The following GALK2 variants were observed in gnomAD, a reference collection of about 807,000 sequenced individuals.
GALK2 encodes the protein N-acetylgalactosamine kinase.
GALK2 carries 36 observed loss-of-function variants against 52.4 expected under a neutral mutation model. That is an observed-to-expected ratio of 0.69 (90% CI 0.53 to 0.91). GALK2 has a LOEUF of 0.91. Ranked by LOEUF, GALK2 falls within the 40% of genes least tolerant of loss-of-function variation. The pLI, the probability that GALK2 is intolerant of heterozygous loss-of-function variation, is 0.00. For synonymous variants in GALK2, 176 were observed against 199.1 expected, an observed-to-expected ratio of 0.88 and a Z score of 0.98; for missense variants, 579 against 559.1, an observed-to-expected ratio of 1.04 and a Z score of -0.36.
At chr15:49,352,374 G>A (rs368371943) in intron 3 of GALK2, among the ~76,000 whole-genome samples, 81 of 152,288 alleles carry the variant, frequency 5.3e-4, no homozygotes, top group African/African-American at 1.8e-3. Flanking sequence ...AGGAGCATGT[G>A]GGAAGGGCAA....
chr15:49,335,273 T>C (rs1224089479), downstream of GALK2: 3 of 586,336 alleles, frequency 5.1e-6, no homozygotes, highest in Non-Finnish European at 6.1e-6. Context: ...CCTTGACACT[T>C]ACCTGAAAAG....
At chr15:49,313,993 A>G (rs2036207058) in intron 8 of GALK2, among the ~76,000 whole-genome samples, 1 of 152,224 alleles carries the variant, frequency 6.6e-6, no homozygotes, top group South Asian at 2.1e-4. Flanking sequence ...CATGTCCTCT[A>G]TCTACTGTTG....
At chr15:49,215,437 C>T (rs2089293107) in intron 2 of GALK2, among the ~76,000 whole-genome samples, 1 of 152,168 alleles carries the variant, frequency 6.6e-6, no homozygotes, top group Non-Finnish European at 1.5e-5. Flanking sequence ...TCTCTTTTCT[C>T]TCCTCTGACT....
At chr15:49,299,796 G>T (rs1401961800) in intron 8 of GALK2, among the ~76,000 whole-genome samples, 1,447 of 73,956 alleles carry the variant, frequency 0.02, 46 homozygotes, top group Middle Eastern at 0.048. Context: ...TCTTTCTTTC[G>T]TGCTGTAGTC....
chr15:49,182,281 A>G (rs1304296890), intron 1 of GALK2, among the ~76,000 whole-genome samples: 5 of 152,248 alleles, frequency 3.3e-5, no homozygotes, highest in African/African-American at 9.6e-5. Context: ...TTCACTTAAC[A>G]TAATGTCCCC....
At chr15:49,216,955 AG>A (rs1250611528) in intron 2 of GALK2, among the ~76,000 whole-genome samples, 1 of 152,122 alleles carries the variant, frequency 6.6e-6, no homozygotes, top group Non-Finnish European at 1.5e-5. Context: ...TGTGATTTTC[AG>A]GTACTCACCT....
intron 5 of GALK2, among the ~76,000 whole-genome samples, 174 bp downstream of exon 5, chr15:49,239,541 C>A (rs181565072): frequency 1.3e-5 from 2 of 152,184 alleles, no homozygotes; most frequent in Non-Finnish European, 2.9e-5. Context: ...TAGCTTATAC[C>A]CTCCAAACAG....
At chr15:49,172,205 A>T (rs964610906) in intron 1 of GALK2, among the ~76,000 whole-genome samples, 4 of 152,210 alleles carry the variant, frequency 2.6e-5, no homozygotes, top group Non-Finnish European at 4.4e-5. Flanking sequence ...GGTGGTAACA[A>T]GTATAGGTAC....
chr15:49,201,499 T>TA (rs2087771885), intron 2 of GALK2, among the ~76,000 whole-genome samples: 1 of 152,152 alleles, frequency 6.6e-6, no homozygotes, highest in Admixed American at 6.5e-5. Flanking sequence ...ATTGTTTTCA[T>TA]AAAAAATGAA....
rs968918249 is a variant in GALK2 at position 49,254,621 on chromosome 15, A to G, written c.504+15254A>G. Among the ~76,000 whole-genome samples the G allele has an allele frequency of 2.1e-5, 3 of 144,296 alleles. 1 individual carries two copies. The highest frequency in any genetic ancestry group is 7.4e-5 in the African/African-American group (3 of 40,338). The allele number at this position is 144,296 out of a possible 152,430, so 94.7% of individuals were successfully genotyped here. A position where few individuals can be genotyped will look rare whatever the true frequency, so the allele number is the denominator to read the frequency against. ...GTCACTATGGTTTAAATTTGGTGATAAAGCAGAGAATTTGGATAAAAGAAA... is the reference window on the plus strand; with the variant it reads ...GTCACTATGGTTTAAATTTGGTGATGAAGCAGAGAATTTGGATAAAAGAAA... On this transcript the variant is annotated intron_variant, in intron 5 of 9. Coordinates refer to ENST00000560031, the MANE Select transcript of GALK2 (RefSeq NM_002044.4).
chr15:49,287,296 A>C (rs1366535373), intron 7 of GALK2, among the ~76,000 whole-genome samples: 1 of 152,202 alleles, frequency 6.6e-6, no homozygotes, highest in African/African-American at 2.4e-5. Flanking sequence ...AAATACTCTG[A>C]ATTTTTCTCT....
intron 1 of GALK2, among the ~76,000 whole-genome samples, chr15:49,193,235 C>T (rs1419005871): frequency 1.3e-5 from 2 of 151,958 alleles, no homozygotes; most frequent in African/African-American, 4.8e-5. Context: ...TGACCTCAGG[C>T]AGTCCACTCG....
chr15:49,199,827 G>A (rs1292783219), intron 1 of GALK2, among the ~76,000 whole-genome samples: 1 of 152,172 alleles, frequency 6.6e-6, no homozygotes, highest in Non-Finnish European at 1.5e-5. Flanking sequence ...TCAGCAGAGA[G>A]AAGTTTATAA....
At chr15:49,158,507 G>C (rs888365412) in intron 1 of GALK2, among the ~76,000 whole-genome samples, 1 of 152,120 alleles carries the variant, frequency 6.6e-6, no homozygotes, top group African/African-American at 2.4e-5. Flanking sequence ...ATGGTAACTA[G>C]TTGAGTCACT....
At chr15:49,175,431 C>T (rs1245466090) in intron 1 of GALK2, among the ~76,000 whole-genome samples, 1 of 152,142 alleles carries the variant, frequency 6.6e-6, no homozygotes, top group Non-Finnish European at 1.5e-5. Context: ...AGTTGTTACA[C>T]CTCGACCTGT....
chr15:49,343,938 A>G (rs1409951273), intron 3 of GALK2: 1 of 152,226 alleles, frequency 6.6e-6, no homozygotes, highest in Non-Finnish European at 1.5e-5. Context: ...TTTAAAAATA[A>G]AACATCCTTA....
chr15:49,215,944 A>C (rs1029533456), intron 2 of GALK2, among the ~76,000 whole-genome samples: 2 of 152,218 alleles, frequency 1.3e-5, no homozygotes, highest in Non-Finnish European at 2.9e-5. Context: ...CCGTATGGGC[A>C]TATCGGCACA....
chr15:49,259,896 C>T (rs1159238300), intron 5 of GALK2, among the ~76,000 whole-genome samples: 1 of 152,010 alleles, frequency 6.6e-6, no homozygotes, highest in African/African-American at 2.4e-5. Flanking sequence ...CACGTCCCTA[C>T]AAAGGATATG....
chr15:49,166,529 G>A (rs906661008), upstream of GALK2, among the ~76,000 whole-genome samples: 2 of 152,060 alleles, frequency 1.3e-5, no homozygotes, highest in Non-Finnish European at 2.9e-5. Context: ...GACCAGCCTG[G>A]CCAACATGTT....
Sources: gnomAD v4.1 joint callset for allele counts (sites outside exome capture counted in the v4.1 genomes callset) on GRCh38, gnomAD v4.1.1 for gene constraint, MANE v1.5 for transcripts, NCBI Gene and HGNC (gene_info 2026-07-23, HGNC 2026-07-21) for gene names.